The following LRRC4C variants were observed in gnomAD, a reference collection of about 807,000 sequenced individuals.
LRRC4C encodes leucine-rich repeat-containing protein 4C.
In LRRC4C, 5 loss-of-function variants were observed where a neutral mutation model predicts 33.6. That is an observed-to-expected ratio of 0.15 (90% CI 0.08 to 0.31). The LOEUF is 0.31. LRRC4C is among the 10% of genes least tolerant of loss of function. The probability of loss-of-function intolerance (pLI) is 1.00; values close to 1 mark genes in which losing one functional copy is unlikely to be tolerated. For missense variants in LRRC4C, 560 were observed against 796.7 expected (o/e 0.70, Z 3.58); for synonymous variants, 329 against 302.0 (o/e 1.09, Z -0.93).
At chr11:40,533,586 G>A (rs921252789) in intron 3 of LRRC4C, among the ~76,000 whole-genome samples, 86 of 152,136 alleles carry the variant, frequency 5.7e-4, no homozygotes, top group Non-Finnish European at 4.0e-4. Context: ...CTTTGCTTCA[G>A]GAGGCAGATT....
chr11:40,642,914 A>T (rs1368416124), intron 3 of LRRC4C, among the ~76,000 whole-genome samples: 1 of 152,202 alleles, frequency 6.6e-6, no homozygotes, highest in Non-Finnish European at 1.5e-5. Context: ...AATGCTTCCA[A>T]GGGACTTCCA....
chr11:41,247,544 T>G (rs1948493844), intron 1 of LRRC4C, among the ~76,000 whole-genome samples: 1 of 152,240 alleles, frequency 6.6e-6, no homozygotes, highest in East Asian at 1.9e-4. Context: ...GTTCTAAGAC[T>G]GCTGTGGCTG....
intron 6 of LRRC4C, among the ~76,000 whole-genome samples, chr11:40,125,491 GTTA>G (rs1294338440): frequency 2.0e-5 from 3 of 151,994 alleles, no homozygotes; most frequent in African/African-American, 7.3e-5. Flanking sequence ...AGTATAAACA[GTTA>G]TTATTTTTCT....
chr11:40,174,003 C>G (rs973543382), intron 5 of LRRC4C, among the ~76,000 whole-genome samples: 2 of 152,128 alleles, frequency 1.3e-5, no homozygotes, highest in Admixed American at 6.5e-5. Flanking sequence ...TTGAACCAAC[C>G]TTGTATAAGT....
chr11:40,613,320 G>C (rs965552301), intron 3 of LRRC4C, among the ~76,000 whole-genome samples: 2 of 151,804 alleles, frequency 1.3e-5, no homozygotes, highest in Non-Finnish European at 2.9e-5. Context: ...TAAATATTTT[G>C]TTGTCATTTC....
intron 3 of LRRC4C, among the ~76,000 whole-genome samples, chr11:40,349,208 T>C (rs985983380): frequency 6.6e-6 from 1 of 152,128 alleles, no homozygotes; most frequent in Admixed American, 6.6e-5. Context: ...CCCACTCCCT[T>C]CCTCCACAAA....
chr11:40,379,885 C>T (rs1948797814), intron 3 of LRRC4C, among the ~76,000 whole-genome samples: 1 of 152,126 alleles, frequency 6.6e-6, no homozygotes, highest in Admixed American at 6.5e-5. Context: ...GGGCCCCATC[C>T]CAGACCAATG....
At chr11:40,831,766 C>A (rs1952422143) in intron 2 of LRRC4C, among the ~76,000 whole-genome samples, 1 of 152,026 alleles carries the variant, frequency 6.6e-6, no homozygotes, top group East Asian at 1.9e-4. Flanking sequence ...GGGGAACTGT[C>A]CTTTATAAAA....
chr11:40,590,526 T>C (rs1958990941), intron 3 of LRRC4C, among the ~76,000 whole-genome samples: 1 of 152,124 alleles, frequency 6.6e-6, no homozygotes, highest in Non-Finnish European at 1.5e-5. Flanking sequence ...GGTGAGGAAC[T>C]GTGTTCCTTT....
chr11:40,824,401 T>A (rs997950265), intron 2 of LRRC4C, among the ~76,000 whole-genome samples: 17 of 151,992 alleles, frequency 1.1e-4, no homozygotes, highest in Middle Eastern at 3.4e-3. Flanking sequence ...AAAAATTAAA[T>A]ATAAAGTAGG....
chr11:40,244,541 T>C (rs577583988), intron 4 of LRRC4C, among the ~76,000 whole-genome samples: 19 of 152,332 alleles, frequency 1.2e-4, no homozygotes, highest in African/African-American at 3.8e-4. Context: ...GGCCATTTTA[T>C]GTTCTTCAAG....
intron 3 of LRRC4C, among the ~76,000 whole-genome samples, chr11:40,400,971 T>G (rs1310673855): frequency 1.3e-5 from 2 of 152,148 alleles, no homozygotes; most frequent in Admixed American, 1.3e-4. Flanking sequence ...TGTTTAATTT[T>G]ATATCACCAT....
chr11:41,296,318 T>G (rs913843060), intron 1 of LRRC4C, among the ~76,000 whole-genome samples: 1 of 151,296 alleles, frequency 6.6e-6, no homozygotes, highest in Non-Finnish European at 1.5e-5. Context: ...TGCTGTGCTT[T>G]TTTTTTTTTC....
intron 2 of LRRC4C, among the ~76,000 whole-genome samples, chr11:40,798,118 A>T (rs1396991471): frequency 6.6e-6 from 1 of 152,216 alleles, no homozygotes; most frequent in Non-Finnish European, 1.5e-5. Context: ...CCTGTTCATT[A>T]GACAAAGGGC....
At chr11:40,477,917 CA>C (rs1486984103) in intron 3 of LRRC4C, among the ~76,000 whole-genome samples, 17 of 152,208 alleles carry the variant, frequency 1.1e-4, no homozygotes, top group African/African-American at 3.6e-4. Flanking sequence ...ATCATGGGGG[CA>C]GGTCTTTTCT....
intron 1 of LRRC4C, among the ~76,000 whole-genome samples, chr11:41,345,623 C>T (rs1951778681): frequency 6.6e-6 from 1 of 152,074 alleles, no homozygotes; most frequent in Non-Finnish European, 1.5e-5. Flanking sequence ...TAGGTAAAAT[C>T]ATTTGACCCT....
chr11:40,877,411 A>T (rs1016303340), intron 2 of LRRC4C, among the ~76,000 whole-genome samples: 1 of 152,174 alleles, frequency 6.6e-6, no homozygotes, highest in Non-Finnish European at 1.5e-5. Flanking sequence ...CACACAAAAC[A>T]AGCATTGTTG....
chr11:40,221,307 T>G (rs988959285), intron 5 of LRRC4C, among the ~76,000 whole-genome samples: 5 of 152,208 alleles, frequency 3.3e-5, no homozygotes, highest in African/African-American at 1.2e-4. Context: ...TTTTTCTAAG[T>G]GACAAATTAG....
intron 3 of LRRC4C, among the ~76,000 whole-genome samples, chr11:40,536,032 TTATATGTCCACAAC>T (rs1345264501): frequency 6.6e-6 from 1 of 152,196 alleles, no homozygotes; most frequent in African/African-American, 2.4e-5. Flanking sequence ...AGGCCCATTA[TTATATGTCCACAAC>T]TATTTCTCAG....
Sources: gnomAD v4.1 joint callset for allele counts (sites outside exome capture counted in the v4.1 genomes callset) on GRCh38, gnomAD v4.1.1 for gene constraint, MANE v1.5 for transcripts, NCBI Gene and HGNC (gene_info 2026-07-23, HGNC 2026-07-21) for gene names.